Variants in MDN1 observed in about 807,000 individuals in gnomAD.
MDN1 encodes midasin AAA ATPase 1, also known as midasin.
Under a neutral mutation model 669.2 loss-of-function variants are expected in MDN1, and 266 were observed. The observed-to-expected ratio is 0.40, with a 90% CI of 0.36 to 0.44. The LOEUF is 0.44. MDN1 is among the 20% of genes least tolerant of loss of function. MDN1 has a pLI of 1.00. For synonymous variants in MDN1, 2,385 were observed against 2,457.1 expected (o/e 0.97, Z 0.87); for missense variants, 5,940 against 6,754.0 (o/e 0.88, Z 4.22).
Position 89,674,349 on chromosome 6 carries a change from C to G in MDN1, c.13002G>C (p.Leu4334=), listed in dbSNP as rs779796717. Residue 4334 remains leucine, a synonymous_variant, in exon 79 of 102, where the codon CTG becomes CTC. Transcript: ENST00000369393. ...GTCCCTTGCTAAGTTCTGGTCCTTC[C>G]AGGCAGGGGCCAGGAGGCTGCCCCA... ...QVLGQPPGPC[L]EGPELSKGQL... is the part of the protein sequence containing the mutation. The G allele has an allele frequency of 1.9e-5, 30 of 1,614,092 alleles. No homozygotes were observed. In the African/African-American group the frequency reaches 3.7e-4, roughly 20 times the overall value.
chr6:89,653,726 A>G (rs1190466729), intron 93 of MDN1, among the ~76,000 whole-genome samples: 1 of 152,178 alleles, frequency 6.6e-6, no homozygotes, highest in Non-Finnish European at 1.5e-5. Context: ...TTGCCAAGTA[A>G]TTAATAGAAC....
chr6:89,703,321 G>C (rs2128310345), intron 53 of MDN1, among the ~76,000 whole-genome samples: 1 of 140,152 alleles, frequency 7.1e-6, no homozygotes, highest in African/African-American at 2.6e-5. Context: ...AATTACCTTT[G>C]CATATTTAAC....
chr6:89,770,574 G>A (rs67856507), intron 15 of MDN1, among the ~76,000 whole-genome samples: 22,179 of 151,986 alleles, frequency 0.15, 1,888 homozygotes, highest in Non-Finnish European at 0.19. Flanking sequence ...GCACAATCTC[G>A]GCTAACTCCA....
At chr6:89,813,670 GAA>G (rs1768606449) in intron 1 of MDN1, among the ~76,000 whole-genome samples, 1 of 151,782 alleles carries the variant, frequency 6.6e-6, no homozygotes, top group East Asian at 1.9e-4. Context: ...GGTCAAGGCT[GAA>G]GTGAGCTATG....
At chr6:89,725,592 A>C (rs1217217674) in intron 37 of MDN1, among the ~76,000 whole-genome samples, 196 bp from the exon 38 acceptor site, 1 of 152,098 alleles carries the variant, frequency 6.6e-6, no homozygotes, top group Non-Finnish European at 1.5e-5. Flanking sequence ...TGTTTTTGAG[A>C]CAGGGTTTCA....
chr6:89,702,087 A>T (rs775727459), intron 53 of MDN1, 26 bp from the exon 54 acceptor site: 3 of 1,566,080 alleles, frequency 1.9e-6, no homozygotes, highest in Non-Finnish European at 2.6e-6. Context: ...CTTAGATAAG[A>T]TGGCATGAAG....
At chr6:89,682,699 T>TAAAAAAAAAAAAAAAAAAAAA (rs143107841) in intron 73 of MDN1, among the ~76,000 whole-genome samples, 2 of 96,858 alleles carry the variant, frequency 2.1e-5, no homozygotes, top group Non-Finnish European at 4.2e-5. Context: ...GACTCTGTCT[T>TAAAAAAAAAAAAAAAAAAAAA]AAAAAAAAAA....
At chr6:89,781,222 C>A (rs1259122589) in intron 10 of MDN1, 177 bp downstream of exon 10, 2 of 631,306 alleles carry the variant, frequency 3.2e-6, no homozygotes, top group South Asian at 1.9e-5. Context: ...CATGAAGCAA[C>A]CTATAATTTC....
At chr6:89,723,196 T>G (rs1167604712) in intron 39 of MDN1, 53 bp from the exon 40 acceptor site, 2 of 1,522,036 alleles carry the variant, frequency 1.3e-6, no homozygotes, top group Non-Finnish European at 1.8e-6. Context: ...TACTAGGCAC[T>G]GCATTAAGTA....
chr6:89,747,518 T>C (rs368544847), intron 26 of MDN1, 48 bp from the exon 27 acceptor site: 67 of 1,576,436 alleles, frequency 4.3e-5, no homozygotes, highest in Non-Finnish European at 5.1e-5. Flanking sequence ...CTGCAATGCA[T>C]GGTAAGTTTT....
chr6:89,816,356 C>T (rs1035676207), intron 1 of MDN1, among the ~76,000 whole-genome samples: 8 of 151,918 alleles, frequency 5.3e-5, no homozygotes, highest in Admixed American at 1.3e-4. Flanking sequence ...GTTGAGATCG[C>T]GCCGCTGCAG....
At position 89,688,785 on chromosome 6, in the gene MDN1, A is replaced by G. The variant is rs1375829497; in HGVS notation, c.11047T>C (p.Leu3683=). The G allele has an allele frequency of 2.5e-6, 4 of 1,614,050 alleles. No individual in the cohort carries two copies. The highest frequency in any genetic ancestry group is 8.5e-7 in the Non-Finnish European group (1 of 1,180,034). The change falls in exon 66 of 102, where the codon TTG becomes CTG. Residue 3683 remains leucine, a synonymous_variant. Coordinates refer to ENST00000369393, the MANE Select transcript of MDN1 (RefSeq NM_014611.3). ...GTACAGGCCAAAAGTTGGCTGCCCAAGAGTCGGTCATTCAGTTCAACTCCT... is the reference window on the plus strand; with the variant it reads ...GTACAGGCCAAAAGTTGGCTGCCCAGGAGTCGGTCATTCAGTTCAACTCCT... The part of the protein sequence containing the change: ...LMGVELNDRL[L]GSQLLACTLS...
Position 89,776,596 on chromosome 6 carries a change from A to G in MDN1, c.1821+4T>C. On this transcript the variant is annotated splice_donor_region_variant and intron_variant, in intron 12 of 101. Coordinates refer to ENST00000369393, the MANE Select transcript of MDN1 (RefSeq NM_014611.3). ...ACAGGGAAGTAAAAAAACAGCACACATACCTTTTTTCTAGAAATGTTCAAT... is the reference window on the plus strand; with the variant it reads ...ACAGGGAAGTAAAAAAACAGCACACGTACCTTTTTTCTAGAAATGTTCAAT... 1.2e-6 allele frequency: 2 copies of G among 1,601,830 alleles called. No homozygotes were observed. The highest frequency in any genetic ancestry group is 1.7e-6 in the Non-Finnish European group (2 of 1,170,836).
chr6:89,744,426 G>C (rs1326833094), intron 29 of MDN1, among the ~76,000 whole-genome samples: 1 of 149,824 alleles, frequency 6.7e-6, no homozygotes, highest in Non-Finnish European at 1.5e-5. Flanking sequence ...TTTTTAGTCA[G>C]GGCTTCACTC....
chr6:89,779,107 G>T (rs987436765), intron 11 of MDN1, among the ~76,000 whole-genome samples: 3 of 151,802 alleles, frequency 2.0e-5, no homozygotes, highest in Non-Finnish European at 4.4e-5. Flanking sequence ...TTTCATAAAG[G>T]TATTTGGTCT....
Position 89,661,874 on chromosome 6 carries a change from T to A in MDN1, c.14565+213A>T, listed in dbSNP as rs983765500. ...AGGTTTTAGCTTCTGATCTATAGCA[T>A]GAGCCCAGACAACATGTGGACTACC... On this transcript the variant is annotated intron_variant, in intron 87 of 101. Coordinates refer to ENST00000369393, the MANE Select transcript of MDN1 (RefSeq NM_014611.3). Among the ~76,000 whole-genome samples the A allele has an allele frequency of 4.6e-5, 7 of 152,330 alleles. 1 individual carries two copies. In the South Asian group the frequency reaches 8.3e-4, roughly 18 times the overall value.
chr6:89,798,373 G>A (rs1013104087), intron 2 of MDN1, among the ~76,000 whole-genome samples: 3 of 151,814 alleles, frequency 2.0e-5, no homozygotes, highest in Non-Finnish European at 4.4e-5. Flanking sequence ...TTAGCCATGA[G>A]TGGTGGTGAT....
At chr6:89,758,710 A>G in intron 18 of MDN1, 106 bp downstream of exon 18, 1 of 1,229,124 alleles carries the variant, frequency 8.1e-7, no homozygotes. Flanking sequence ...AACAAATTCC[A>G]TTGGGAGGCC....
intron 1 of MDN1, among the ~76,000 whole-genome samples, chr6:89,811,610 T>A (rs754493210): frequency 2.6e-5 from 4 of 151,922 alleles, no homozygotes; most frequent in Non-Finnish European, 5.9e-5. Context: ...CACGCCCAGC[T>A]AATTTTTGTA....
Sources: allele counts gnomAD v4.1 joint callset (sites outside exome capture counted in the v4.1 genomes callset), GRCh38; gene constraint gnomAD v4.1.1; transcripts MANE v1.5; gene names NCBI Gene and HGNC (gene_info 2026-07-23, HGNC 2026-07-21).